Variants in PDGFRL observed in about 807,000 individuals in gnomAD.
PDGFRL encodes platelet derived growth factor receptor like.
A neutral mutation model predicts 37.2 loss-of-function variants in PDGFRL; 46 were observed. The observed-to-expected ratio is 1.24, with a 90% CI of 0.98 to 1.58. The LOEUF (loss-of-function observed/expected upper bound fraction) is 1.58. Among genes scored for constraint, PDGFRL ranks in the 40% most tolerant of loss-of-function variants. The probability of loss-of-function intolerance (pLI) is 0.00; values close to 1 mark genes in which losing one functional copy is unlikely to be tolerated. For missense variants in PDGFRL, 692 were observed against 467.6 expected (o/e 1.48, Z -4.43); for synonymous variants, 251 against 184.3 (o/e 1.36, Z -2.93).
At chr8:17,625,815 C>A (rs1404844337) in intron 3 of PDGFRL, among the ~76,000 whole-genome samples, 1 of 152,004 alleles carries the variant, frequency 6.6e-6, no homozygotes, top group African/African-American at 2.4e-5. Context: ...ATAGTGAGAC[C>A]CTGACTCTAG....
At chr8:17,631,419 A>G (rs1162005909) in intron 4 of PDGFRL, among the ~76,000 whole-genome samples, 1 of 151,972 alleles carries the variant, frequency 6.6e-6, no homozygotes, top group Non-Finnish European at 1.5e-5. Flanking sequence ...TGAAGTTAGA[A>G]TTTGGGTTCT....
chr8:17,593,570 C>T (rs1480572151), intron 2 of PDGFRL, among the ~76,000 whole-genome samples: 1 of 150,756 alleles, frequency 6.6e-6, no homozygotes, highest in Non-Finnish European at 1.5e-5. Context: ...TATATTCCAA[C>T]CTGGGCAACA....
intron 1 of PDGFRL, among the ~76,000 whole-genome samples, chr8:17,581,438 C>T (rs571667593): frequency 2.0e-5 from 3 of 152,110 alleles, no homozygotes; most frequent in Non-Finnish European, 4.4e-5. Flanking sequence ...AAGAAGTACC[C>T]ATAATTTGAT....
chr8:17,580,220 G>C (rs917482130), intron 1 of PDGFRL, among the ~76,000 whole-genome samples: 1 of 152,114 alleles, frequency 6.6e-6, no homozygotes, highest in Non-Finnish European at 1.5e-5. Flanking sequence ...ATTATTGTCT[G>C]AGAGCAATAT....
chr8:17,627,029 A>G (rs1804747816), intron 3 of PDGFRL, among the ~76,000 whole-genome samples: 1 of 152,144 alleles, frequency 6.6e-6, no homozygotes, highest in African/African-American at 2.4e-5. Context: ...TAACCTTGGC[A>G]GGCGCCAGAT....
intron 2 of PDGFRL, among the ~76,000 whole-genome samples, chr8:17,591,066 T>C (rs1202559630): frequency 6.6e-6 from 1 of 151,968 alleles, no homozygotes; most frequent in Non-Finnish European, 1.5e-5. Flanking sequence ...GCTTTTTTAG[T>C]AGAGACAGAG....
In PDGFRL at chr8:17,611,638, C is replaced by A. The variant is rs7816611; in HGVS notation, c.354-9413C>A. On this transcript the variant is annotated intron_variant, in intron 2 of 5. Transcript: ENST00000251630. The stretch of plus-strand genomic sequence containing the variant: ...TGAGGAGCTAGATGGCTAAAGACAC[C>A]GGGTTACTCAGCTTAAGGGCTGGGA... Among the ~76,000 whole-genome samples, 33 of 152,182 alleles carry A rather than the reference C, an allele frequency of 2.2e-4. No homozygotes were observed. In the South Asian group the frequency reaches 6.4e-3, roughly 30 times the overall value.
At chr8:17,616,275 A>T (rs113592999) in intron 2 of PDGFRL, among the ~76,000 whole-genome samples, 1 of 151,556 alleles carries the variant, frequency 6.6e-6, no homozygotes, top group African/African-American at 2.4e-5. Context: ...GCTCACTGCA[A>T]CCTCCGCCTC....
chr8:17,611,196 C>T (rs1237580352), intron 2 of PDGFRL, among the ~76,000 whole-genome samples: 1 of 152,202 alleles, frequency 6.6e-6, no homozygotes, highest in Non-Finnish European at 1.5e-5. Flanking sequence ...TAAAGTGAGA[C>T]ATCCAACCAG....
At chr8:17,579,950 A>C (rs1242174761) in intron 1 of PDGFRL, among the ~76,000 whole-genome samples, 1 of 152,180 alleles carries the variant, frequency 6.6e-6, no homozygotes, top group Non-Finnish European at 1.5e-5. Context: ...TATATGGAAT[A>C]CATGCCACCG....
chr8:17,591,479 T>A (rs1310557561), intron 2 of PDGFRL, among the ~76,000 whole-genome samples: 2 of 152,216 alleles, frequency 1.3e-5, no homozygotes, highest in Non-Finnish European at 2.9e-5. Context: ...CTCAGTTTCC[T>A]TATGTGTAGA....
chr8:17,625,734 A>G (rs2129786519), intron 3 of PDGFRL, among the ~76,000 whole-genome samples: 1 of 152,314 alleles, frequency 6.6e-6, no homozygotes, highest in Admixed American at 6.5e-5. Context: ...CATGCCTGTA[A>G]TCTCAGCACT....
At chr8:17,591,115 C>T (rs2150813941) in intron 2 of PDGFRL, among the ~76,000 whole-genome samples, 1 of 152,140 alleles carries the variant, frequency 6.6e-6, no homozygotes. Context: ...ATCTCCTGAC[C>T]TCATGATCCG....
chr8:17,605,363 T>C (rs2237821), intron 2 of PDGFRL, among the ~76,000 whole-genome samples: 5,157 of 152,308 alleles, frequency 0.034, 117 homozygotes, highest in East Asian at 0.12. Flanking sequence ...TTTGCAATAA[T>C]TTTTTAAATT....
At chr8:17,631,907 C>T (rs920006436) in intron 4 of PDGFRL, among the ~76,000 whole-genome samples, 1 of 152,224 alleles carries the variant, frequency 6.6e-6, no homozygotes, top group African/African-American at 2.4e-5. Context: ...TGTCCCTGGG[C>T]CAGCTTCACA....
chr8:17,606,903 T>G (rs1373679013), intron 2 of PDGFRL, among the ~76,000 whole-genome samples: 12 of 144,766 alleles, frequency 8.3e-5, no homozygotes, highest in African/African-American at 1.5e-4. Context: ...TGTTTTTTTT[T>G]TTTTTTTTTT....
intron 2 of PDGFRL, among the ~76,000 whole-genome samples, chr8:17,619,767 A>G (rs1252219650): frequency 2.0e-5 from 3 of 152,242 alleles, no homozygotes; most frequent in Non-Finnish European, 4.4e-5. Context: ...ACAGGCTGAA[A>G]GCAAAACACC....
intron 2 of PDGFRL, among the ~76,000 whole-genome samples, chr8:17,619,897 C>G (rs185710118): frequency 2.6e-5 from 4 of 152,318 alleles, no homozygotes; most frequent in Admixed American, 2.6e-4. Flanking sequence ...TTCTCTTTGA[C>G]ATTTATTATT....
chr8:17,579,822 T>C (rs1803668638), intron 1 of PDGFRL, among the ~76,000 whole-genome samples: 1 of 151,958 alleles, frequency 6.6e-6, no homozygotes, highest in Admixed American at 6.6e-5. Flanking sequence ...CTCATGAAGA[T>C]GGGGAGCTGG....
Sources: allele counts gnomAD v4.1 joint callset (sites outside exome capture counted in the v4.1 genomes callset), GRCh38; gene constraint gnomAD v4.1.1; transcripts MANE v1.5; gene names NCBI Gene and HGNC (gene_info 2026-07-23, HGNC 2026-07-21).